CTNNA3: variants seen among roughly 807,000 people sequenced by gnomAD.
The protein encoded by CTNNA3 is catenin alpha-3.
CTNNA3 carries 76 observed loss-of-function variants against 95.7 expected under a neutral mutation model. That is an observed-to-expected ratio of 0.79 (90% CI 0.66 to 0.96). The LOEUF (loss-of-function observed/expected upper bound fraction) is 0.96. Ranked by LOEUF, CTNNA3 falls within the 40% of genes least tolerant of loss-of-function variation. The probability of loss-of-function intolerance (pLI) is 0.00; values close to 1 mark genes in which losing one functional copy is unlikely to be tolerated. For missense variants in CTNNA3, 1,191 were observed against 1,089.8 expected, an observed-to-expected ratio of 1.09 and a Z score of -1.31; for synonymous variants, 431 against 374.4, an observed-to-expected ratio of 1.15 and a Z score of -1.74.
intron 7 of CTNNA3, among the ~76,000 whole-genome samples, chr10:67,108,530 G>C (rs1397429036): frequency 6.6e-6 from 1 of 152,136 alleles, no homozygotes; most frequent in Non-Finnish European, 1.5e-5. Flanking sequence ...GTGAGACACA[G>C]TGATCAAATG....
At chr10:66,129,623 C>A (rs939031956) in intron 13 of CTNNA3, among the ~76,000 whole-genome samples, 1 of 152,154 alleles carries the variant, frequency 6.6e-6, no homozygotes, top group African/African-American at 2.4e-5. Flanking sequence ...GTCTACTGGC[C>A]TCTTCTGGGG....
chr10:67,243,427 G>A (rs1025372477), intron 5 of CTNNA3, among the ~76,000 whole-genome samples: 17 of 152,156 alleles, frequency 1.1e-4, no homozygotes, highest in African/African-American at 3.4e-4. Context: ...GGAGATGAGA[G>A]ACTACAGAAA....
At chr10:66,054,026 A>G (rs1013338948) in intron 15 of CTNNA3, among the ~76,000 whole-genome samples, 2 of 152,116 alleles carry the variant, frequency 1.3e-5, no homozygotes, top group African/African-American at 4.8e-5. Context: ...AATATCTTAC[A>G]TTTCTATCCA....
intron 5 of CTNNA3, among the ~76,000 whole-genome samples, chr10:67,277,984 A>G (rs114098948): frequency 0.024 from 3,593 of 152,230 alleles, 129 homozygotes; most frequent in African/African-American, 0.083. Flanking sequence ...TGCCCTGCCT[A>G]TGGACTGCCA....
intron 5 of CTNNA3, among the ~76,000 whole-genome samples, chr10:67,416,617 A>AAC (rs2132854634): frequency 6.6e-6 from 1 of 150,896 alleles, no homozygotes; most frequent in Admixed American, 6.6e-5. Context: ...CAAAAAAAAA[A>AAC]AAAAAAAAAA....
intron 5 of CTNNA3, among the ~76,000 whole-genome samples, chr10:67,307,463 ATTGT>A (rs928412913): frequency 6.6e-5 from 10 of 152,106 alleles, no homozygotes; most frequent in South Asian, 2.1e-4. Flanking sequence ...CTACTGATTA[ATTGT>A]TTGTTTGTTT....
At chr10:66,563,702 T>C (rs1489098311) in intron 10 of CTNNA3, among the ~76,000 whole-genome samples, 2 of 152,020 alleles carry the variant, frequency 1.3e-5, no homozygotes, top group Non-Finnish European at 2.9e-5. Flanking sequence ...AGGAAATTCC[T>C]TGTGGACAAA....
intron 1 of CTNNA3, among the ~76,000 whole-genome samples, chr10:67,691,097 T>C (rs907057999): frequency 6.6e-6 from 1 of 152,326 alleles, no homozygotes; most frequent in South Asian, 2.1e-4. Flanking sequence ...TTTCACTGTG[T>C]CGGCCGGGCT....
At chr10:66,007,120 G>A (rs1383185258) in intron 15 of CTNNA3, among the ~76,000 whole-genome samples, 3 of 152,164 alleles carry the variant, frequency 2.0e-5, no homozygotes, top group Non-Finnish European at 4.4e-5. Flanking sequence ...GACTGAGTAT[G>A]ACTTGAGACA....
chr10:66,009,779 A>G (rs1433618229), intron 15 of CTNNA3, among the ~76,000 whole-genome samples: 1 of 152,194 alleles, frequency 6.6e-6, no homozygotes, highest in Non-Finnish European at 1.5e-5. Flanking sequence ...CAAGATTGTA[A>G]GCATGTTGAA....
Position 65,964,642 on chromosome 10 carries a change from A to G in CTNNA3, c.2400+1970T>C, listed in dbSNP as rs553930766. On this transcript the variant is annotated intron_variant, in intron 17 of 17. Coordinates refer to ENST00000433211, the MANE Select transcript of CTNNA3 (RefSeq NM_013266.4). ...ACAGATTTTTTGAAAGCTTAGCGTC[A>G]TACAACATGAAACTGTATATTTGAA... 2.0e-5 allele frequency among the ~76,000 whole-genome samples: 3 copies of G among 152,342 alleles called. No homozygotes were observed. The South Asian group carries it at 6.2e-4, about 32-fold the overall frequency.
chr10:66,335,670 G>C (rs145045569), intron 12 of CTNNA3, among the ~76,000 whole-genome samples: 1 of 152,054 alleles, frequency 6.6e-6, no homozygotes, highest in Non-Finnish European at 1.5e-5. Context: ...TAGGCTACTC[G>C]GGGGTCAGGG....
At chr10:67,147,793 G>GA (rs1458487571) in intron 7 of CTNNA3, among the ~76,000 whole-genome samples, 1 of 151,902 alleles carries the variant, frequency 6.6e-6, no homozygotes, top group Non-Finnish European at 1.5e-5. Context: ...ACAAAAATGT[G>GA]AAAAAAATGT....
At position 67,522,031 on chromosome 10, in the gene CTNNA3, A is replaced by G. The variant is rs149473199; in HGVS notation, c.460-70T>C. On this transcript the variant is annotated intron_variant, in intron 4 of 17. Transcript: ENST00000433211. ...TTTCTCAAATTCTCAACTTGCTAACACGAAGAGTCGATAATGAGCCTCAGT... is the reference window on the plus strand; with the variant it reads ...TTTCTCAAATTCTCAACTTGCTAACGCGAAGAGTCGATAATGAGCCTCAGT... 515 of 1,500,444 alleles carry G rather than the reference A, an allele frequency of 3.4e-4. 5 individuals are homozygous for G. The African/African-American group carries it at 6.4e-3, about 19-fold the overall frequency. The allele number at this position is 1,500,444 out of a possible 1,614,324, so 92.9% of individuals were successfully genotyped here. A position where few individuals can be genotyped will look rare whatever the true frequency, so the allele number is the denominator to read the frequency against.
chr10:66,625,569 T>G (rs1388119794), intron 9 of CTNNA3, among the ~76,000 whole-genome samples: 1 of 151,930 alleles, frequency 6.6e-6, no homozygotes, highest in Non-Finnish European at 1.5e-5. Context: ...TTGTATTTTT[T>G]GTAGAGACGG....
intron 11 of CTNNA3, among the ~76,000 whole-genome samples, chr10:66,434,281 G>C (rs2093320786): frequency 6.6e-6 from 1 of 152,116 alleles, no homozygotes; most frequent in African/African-American, 2.4e-5. Flanking sequence ...TGTGAGCATG[G>C]AATGATTTTC....
chr10:66,461,794 A>C (rs954881895), intron 11 of CTNNA3, among the ~76,000 whole-genome samples: 1 of 148,822 alleles, frequency 6.7e-6, no homozygotes, highest in Admixed American at 6.8e-5. Context: ...CTGCTGAAGT[A>C]ATATCCTTGT....
chr10:66,350,587 T>C (rs1489959773), intron 12 of CTNNA3, among the ~76,000 whole-genome samples: 1 of 143,248 alleles, frequency 7.0e-6, no homozygotes, highest in Non-Finnish European at 1.5e-5. Flanking sequence ...TGAAAAATGA[T>C]GGGAAATTGG....
At chr10:66,984,803 T>C (rs907057967) in intron 7 of CTNNA3, among the ~76,000 whole-genome samples, 2 of 152,200 alleles carry the variant, frequency 1.3e-5, no homozygotes, top group South Asian at 2.1e-4. Flanking sequence ...TCCTTTCACT[T>C]TCACAAAACT....
Sources: allele counts gnomAD v4.1 joint callset (sites outside exome capture counted in the v4.1 genomes callset), GRCh38; gene constraint gnomAD v4.1.1; transcripts MANE v1.5; gene names NCBI Gene and HGNC (gene_info 2026-07-23, HGNC 2026-07-21).